The following ZNF461 variants were observed in gnomAD, a reference collection of about 807,000 sequenced individuals.
ZNF461 encodes the protein zinc finger protein 461, also known as gonadotropin-inducible ovarian transcription factor-1.
A neutral mutation model predicts 18.3 loss-of-function variants in ZNF461; 16 were observed. The observed-to-expected ratio is 0.88, with a 90% CI of 0.59 to 1.33. ZNF461 has a LOEUF of 1.33. Among genes scored for constraint, ZNF461 ranks in the 40% most tolerant of loss-of-function variants. ZNF461 has a pLI of 0.00. For synonymous variants in ZNF461, 179 were observed against 216.9 expected (o/e 0.83, Z 1.54); for missense variants, 595 against 669.9 (o/e 0.89, Z 1.23).
At chr19:36,656,680 G>A (rs1224155329) in intron 3 of ZNF461, 137 bp from the exon 4 acceptor site, 1 of 653,754 alleles carries the variant, frequency 1.5e-6, no homozygotes, top group Non-Finnish European at 2.6e-6. Flanking sequence ...TAAAGGAGAA[G>A]AGATGAAACA....
At chr19:36,652,909 C>T (rs1047973380) in intron 4 of ZNF461, among the ~76,000 whole-genome samples, 1 of 152,142 alleles carries the variant, frequency 6.6e-6, no homozygotes, top group African/African-American at 2.4e-5. Context: ...CAATATAAAA[C>T]TAACCAAATT....
At position 36,638,952 on chromosome 19, in the gene ZNF461, C is replaced by T. The variant is rs557545377; in HGVS notation, c.1393G>A (p.Gly465Ser). ...ATCATGCATTCATGAGGTTTCTCAC[C>T]AGTATGAATTCTCTGATGTCTTTTG... Reference protein sequence around the residue: ...HLKRHQRIHTGEKPHECMICG... With the variant: ...HLKRHQRIHTSEKPHECMICG... Residue 465 changes from glycine to serine, a missense_variant, in exon 6 of 6, where the codon GGT (glycine) becomes AGT (serine). By Grantham distance (56) the Gly-to-Ser change is moderately conservative. Transcript: ENST00000588268. The T allele has an allele frequency of 1.9e-5, 30 of 1,613,864 alleles. No homozygotes were observed. The South Asian group carries it at 3.0e-4, about 16-fold the overall frequency.
chr19:36,660,477 T>G (rs2037798863), intron 2 of ZNF461, among the ~76,000 whole-genome samples: 1 of 152,026 alleles, frequency 6.6e-6, no homozygotes, highest in Admixed American at 6.6e-5. Context: ...ATGTCACATT[T>G]CATCAGTCTA....
At chr19:36,649,626 C>CTGAGCCACCACGCCT (rs2037591010) in intron 4 of ZNF461, among the ~76,000 whole-genome samples, 1 of 151,912 alleles carries the variant, frequency 6.6e-6, no homozygotes, top group African/African-American at 2.4e-5. Flanking sequence ...CCACTGCGCC[C>CTGAGCCACCACGCCT]GGCCTGAGCC....
chr19:36,658,951 C>T lies in ZNF461; in HGVS notation c.10-526G>A, dbSNP rs576639412. On this transcript the variant is annotated intron_variant, in intron 2 of 5. Coordinates refer to ENST00000588268, the MANE Select transcript of ZNF461 (RefSeq NM_153257.5). ...ACCTTGACATCCCCCTTCCAATTGGCGTAAAGGTCTGTGCCCCCTTCTCTT... is the reference window on the plus strand; with the variant it reads ...ACCTTGACATCCCCCTTCCAATTGGTGTAAAGGTCTGTGCCCCCTTCTCTT... Among the ~76,000 whole-genome samples, 13 of 152,260 alleles carry T rather than the reference C, an allele frequency of 8.5e-5. No homozygotes were observed. The South Asian group carries it at 1.0e-3, about 12-fold the overall frequency.
intron 4 of ZNF461, among the ~76,000 whole-genome samples, chr19:36,652,712 G>C (rs575816897): frequency 4.3e-4 from 65 of 152,114 alleles, no homozygotes; most frequent in Middle Eastern, 3.4e-3. Context: ...AGGATAAAAA[G>C]ACAAATTACA....
rs576438453 is a variant in ZNF461, at chr19:36,662,089, G to A, written c.9+2609C>T. Among the ~76,000 whole-genome samples the A allele has an allele frequency of 2.6e-5, 4 of 151,980 alleles. No individual in the cohort carries two copies. The East Asian group carries it at 5.8e-4, about 22-fold the overall frequency. On this transcript the variant is annotated intron_variant, in intron 2 of 5. Transcript: ENST00000588268. ...TCTCTGTGTTGGTCAGGCTGGTATC[G>A]AACTCCCGACCTCAGGTGATCCGCC...
intron 5 of ZNF461, among the ~76,000 whole-genome samples, chr19:36,642,806 G>A (rs547069666): frequency 6.6e-6 from 1 of 151,738 alleles, no homozygotes; most frequent in Admixed American, 6.6e-5. Flanking sequence ...CCAGGCTGGA[G>A]TGCAATGGTG....
At chr19:36,651,987 A>G (rs1320247168) in intron 4 of ZNF461, among the ~76,000 whole-genome samples, 2 of 152,240 alleles carry the variant, frequency 1.3e-5, no homozygotes, top group African/African-American at 4.8e-5. Context: ...ACAAAGATCA[A>G]TGCAACAGAA....
chr19:36,645,231 A>C (rs2037504396), intron 4 of ZNF461: 1 of 152,188 alleles, frequency 6.6e-6, no homozygotes, highest in Non-Finnish European at 1.5e-5. Context: ...CTGTCTCAAC[A>C]ACAACAAAAA....
Position 36,639,805 on chromosome 19 carries a change from T to C in ZNF461, c.540A>G (p.Leu180=). Residue 180 remains leucine, a synonymous_variant, in exon 6 of 6, where the codon TTA becomes TTG. Transcript: ENST00000588268. The stretch of plus-strand genomic sequence containing the variant: ...CTCTATCATAAAATTCTTGAGTGAG[T>C]AAAGTATGTTGGCTAAAAATGGGCA... ...ENMPIFSQHT[L]LTQEFYDREK... is the part of the protein sequence containing the mutation. 6.2e-7 allele frequency: 1 copy of C among 1,613,846 alleles called. No homozygotes were observed. The highest frequency in any genetic ancestry group is 1.1e-5 in the South Asian group (1 of 91,080).
chr19:36,659,576 T>C (rs2145411509), intron 2 of ZNF461, among the ~76,000 whole-genome samples: 1 of 152,268 alleles, frequency 6.6e-6, no homozygotes, highest in Admixed American at 6.5e-5. Flanking sequence ...CCTAGCCTCA[T>C]TTAATCTTAC....
intron 2 of ZNF461, among the ~76,000 whole-genome samples, chr19:36,660,842 T>C (rs2037806428): frequency 6.6e-6 from 1 of 151,970 alleles, no homozygotes; most frequent in African/African-American, 2.4e-5. Flanking sequence ...TAAAGAGTGT[T>C]AGAAATAGTA....
intron 2 of ZNF461, among the ~76,000 whole-genome samples, chr19:36,659,339 A>G (rs2037778726): frequency 6.6e-6 from 1 of 152,234 alleles, no homozygotes; most frequent in Admixed American, 6.5e-5. Context: ...TGCAAGCCCA[A>G]CCATGATTGT....
At chr19:36,640,596 C>T (rs2037406914) in intron 5 of ZNF461, among the ~76,000 whole-genome samples, 1 of 152,230 alleles carries the variant, frequency 6.6e-6, no homozygotes, top group Admixed American at 6.5e-5. Context: ...TATGTAATAC[C>T]ATCTGAGTTC....
intron 4 of ZNF461, among the ~76,000 whole-genome samples, chr19:36,645,617 A>G (rs1262495076): frequency 2.0e-5 from 3 of 152,138 alleles, no homozygotes; most frequent in Non-Finnish European, 2.9e-5. Context: ...TAACTAACCT[A>G]TTCATCACCT....
chr19:36,644,168 G>T (rs2145373201), intron 4 of ZNF461, among the ~76,000 whole-genome samples: 1 of 152,136 alleles, frequency 6.6e-6, no homozygotes, highest in South Asian at 2.1e-4. Context: ...CCTGACCTCA[G>T]GTGATCCGCC....
At chr19:36,665,712 A>AAG in intron 1 of ZNF461, among the ~76,000 whole-genome samples, 1 of 151,212 alleles carries the variant, frequency 6.6e-6, no homozygotes, top group Admixed American at 6.6e-5. Flanking sequence ...TCGTCTCAAA[A>AAG]AAAAAAAAAA....
At chr19:36,644,522 G>A (rs1044697644) in intron 4 of ZNF461, among the ~76,000 whole-genome samples, 2 of 150,506 alleles carry the variant, frequency 1.3e-5, no homozygotes, top group South Asian at 4.2e-4. Context: ...TCCCGCCTTG[G>A]CCTCCCAAAG....
Sources: allele counts gnomAD v4.1 joint callset (sites outside exome capture counted in the v4.1 genomes callset), GRCh38; gene constraint gnomAD v4.1.1; transcripts MANE v1.5; gene names NCBI Gene and HGNC (gene_info 2026-07-23, HGNC 2026-07-21).